The following MYT1L variants were observed in gnomAD, a reference collection of about 807,000 sequenced individuals.
The protein encoded by MYT1L is myelin transcription factor 1 like.
MYT1L carries 12 observed loss-of-function variants against 126.7 expected under a neutral mutation model. That is an observed-to-expected ratio of 0.09 (90% CI 0.06 to 0.15). MYT1L has a LOEUF of 0.15. Ranked by LOEUF, MYT1L falls within the 10% of genes least tolerant of loss-of-function variation. The pLI is 1.00. For missense variants in MYT1L, 979 were observed against 1,585.2 expected (o/e 0.62, Z 6.49); for synonymous variants, 541 against 604.2 (o/e 0.90, Z 1.53).
chr2:2,115,556 T>C (rs1472948462), intron 3 of MYT1L, among the ~76,000 whole-genome samples: 7 of 152,250 alleles, frequency 4.6e-5, no homozygotes, highest in Non-Finnish European at 5.9e-5. Flanking sequence ...TTGCCAAATG[T>C]GTAAACTTAA....
intron 13 of MYT1L, 33 bp from the exon 14 acceptor site, chr2:1,903,327 G>A: frequency 6.4e-7 from 1 of 1,558,686 alleles, no homozygotes; most frequent in Non-Finnish European, 8.8e-7. Context: ...ACAACAGCTT[G>A]CTTTCCTGTG....
chr2:2,234,647 C>A (rs2094240495), intron 2 of MYT1L, among the ~76,000 whole-genome samples: 1 of 152,146 alleles, frequency 6.6e-6, no homozygotes, highest in South Asian at 2.1e-4. Flanking sequence ...AACTGTAGTC[C>A]TTCCCCATGG....
intron 4 of MYT1L, among the ~76,000 whole-genome samples, chr2:2,001,219 A>G (rs1233236954): frequency 1.7e-5 from 2 of 114,490 alleles, no homozygotes; most frequent in African/African-American, 7.0e-5. Flanking sequence ...GTCTAAATTT[A>G]TCTTCCATTG....
intron 4 of MYT1L, among the ~76,000 whole-genome samples, chr2:2,002,783 C>T (rs746741187): frequency 2.2e-4 from 33 of 152,072 alleles, no homozygotes; most frequent in East Asian, 3.9e-4. Flanking sequence ...ATCACGGGGG[C>T]GGGGCAGTTT....
Position 1,903,201 on chromosome 2 carries a change from C to T in MYT1L, c.1911G>A (p.Glu637=). The T allele has an allele frequency of 6.2e-7, 1 of 1,613,978 alleles. No individual in the cohort carries two copies. Among genetic ancestry groups the T allele is most frequent in the Non-Finnish European group, 8.5e-7 (1 of 1,179,886 alleles). The change falls in exon 14 of 25, where the codon GAG becomes GAA. Residue 637 remains glutamate (E), a synonymous_variant. Transcript: ENST00000647738. The part of the protein sequence containing the change: ...TTTPRSNLAK[E]LEKYSKTSFE... Reference sequence around the variant, plus strand: ...ACGAGGTCTTGGAATATTTCTCGAGCTCCTTGGCCAGGTTGGAACGCGGCG... The same window carrying T: ...ACGAGGTCTTGGAATATTTCTCGAGTTCCTTGGCCAGGTTGGAACGCGGCG...
At chr2:2,211,190 T>C (rs1179604675) in intron 2 of MYT1L, among the ~76,000 whole-genome samples, 1 of 152,228 alleles carries the variant, frequency 6.6e-6, no homozygotes, top group Non-Finnish European at 1.5e-5. Context: ...CTTATGCATG[T>C]TTGATTAGAA....
chr2:2,196,795 AG>A (rs1447546476), intron 2 of MYT1L, among the ~76,000 whole-genome samples: 2 of 152,024 alleles, frequency 1.3e-5, no homozygotes, highest in Non-Finnish European at 2.9e-5. Context: ...AAGATTAAGA[AG>A]AAAGTCATAA....
At position 1,889,496 on chromosome 2, in the gene MYT1L, A is replaced by T. The variant is rs1202227060; in HGVS notation, c.2284-19T>A. On this transcript the variant is annotated intron_variant, in intron 15 of 24. Transcript: ENST00000647738. The surrounding 1 kb of genome is among the most constrained non-coding windows in gnomAD (Gnocchi z 4.1). ...CAGGGTTCTGTCGGTAGAAAGACATAGTGACTGTGCTTGGCCCGGCATCTT... is the reference window on the plus strand; with the variant it reads ...CAGGGTTCTGTCGGTAGAAAGACATTGTGACTGTGCTTGGCCCGGCATCTT... 6.4e-7 allele frequency: 1 copy of T among 1,567,416 alleles called. No homozygotes were observed. Among genetic ancestry groups the T allele is most frequent in the South Asian group, 1.2e-5 (1 of 84,592 alleles).
intron 3 of MYT1L, among the ~76,000 whole-genome samples, chr2:2,058,129 A>C (rs1193484360): frequency 6.6e-6 from 1 of 152,176 alleles, no homozygotes; most frequent in Non-Finnish European, 1.5e-5. Context: ...TATGTCACTC[A>C]TTCTAGGTAT....
intron 21 of MYT1L, among the ~76,000 whole-genome samples, chr2:1,819,230 A>G (rs1212070903): frequency 3.3e-5 from 5 of 152,192 alleles, no homozygotes; most frequent in African/African-American, 1.2e-4. Flanking sequence ...AGACGTTTTG[A>G]AGAGCCACTT....
chr2:2,096,340 C>T (rs1177021314), intron 3 of MYT1L, among the ~76,000 whole-genome samples: 4 of 152,190 alleles, frequency 2.6e-5, no homozygotes, highest in African/African-American at 9.6e-5. Context: ...TTGGAGGGCA[C>T]AGGAGCCCCC....
At chr2:1,996,362 G>A (rs2061841053) in intron 5 of MYT1L, among the ~76,000 whole-genome samples, 2 of 150,754 alleles carry the variant, frequency 1.3e-5, no homozygotes, top group East Asian at 2.0e-4. Context: ...GAGTGTAGAC[G>A]GGCCACCTTT....
At chr2:2,311,861 A>G (rs1056608411) in intron 1 of MYT1L, among the ~76,000 whole-genome samples, 1 of 152,206 alleles carries the variant, frequency 6.6e-6, no homozygotes, top group Non-Finnish European at 1.5e-5. Flanking sequence ...ACTGGCTTCA[A>G]TGTATTAACA....
chr2:2,146,054 T>C (rs1482869901), intron 3 of MYT1L, among the ~76,000 whole-genome samples: 1 of 152,208 alleles, frequency 6.6e-6, no homozygotes, highest in South Asian at 2.1e-4. Context: ...TACCATTGTC[T>C]AAGGACTGTG....
Position 1,889,431 on chromosome 2 carries a change from A to C in MYT1L, c.2330T>G (p.Met777Arg). 6.2e-7 allele frequency: 1 copy of C among 1,613,110 alleles called. No homozygotes were observed. The highest frequency in any genetic ancestry group is 8.5e-7 in the Non-Finnish European group (1 of 1,179,314). ...GCTGTCCCGCGGCCTCTGCTTGTTC[A>C]TGCTGAGGTCCAGGGTCCCGTTCTC... is the stretch of plus-strand genomic sequence containing the variant. ...VDENGTLDLS[M>R]NKQRPRDSCC... The change falls in exon 16 of 25, where the codon ATG becomes AGG. Residue 777 changes from methionine (M) to arginine (R), a missense_variant. Physicochemically the swap from Met to Arg is moderately conservative, Grantham distance 91 (BLOSUM62 -1). Around this residue, in one of 12 missense-constraint regions of MYT1L, gnomAD observed 141 missense variants for 170.6 expected, o/e 0.83. Coordinates refer to ENST00000647738, the MANE Select transcript of MYT1L (RefSeq NM_001303052.2). The surrounding 1 kb of genome is among the most constrained non-coding windows in gnomAD (Gnocchi z 4.1).
chr2:1,942,574 T>C (rs1253844783), intron 9 of MYT1L, among the ~76,000 whole-genome samples: 2 of 152,226 alleles, frequency 1.3e-5, no homozygotes, highest in African/African-American at 4.8e-5. Flanking sequence ...CCTGAGGAGG[T>C]ACCTGGGCTA....
chr2:1,907,118 T>C (rs574884814), intron 13 of MYT1L, among the ~76,000 whole-genome samples: 1 of 146,104 alleles, frequency 6.8e-6, no homozygotes, highest in South Asian at 2.2e-4. Context: ...TCTCTAAAAA[T>C]TTTTTTTTTA....
intron 2 of MYT1L, among the ~76,000 whole-genome samples, chr2:2,183,762 G>A (rs11673984): frequency 0.11 from 15,761 of 147,592 alleles, 807 homozygotes; most frequent in African/African-American, 0.13. Context: ...AGGGAGGGAA[G>A]GAGGGAGAGG....
chr2:1,837,379 C>T (rs896510022), intron 21 of MYT1L, among the ~76,000 whole-genome samples: 1 of 152,172 alleles, frequency 6.6e-6, no homozygotes, highest in Non-Finnish European at 1.5e-5. Flanking sequence ...CAAACCCTTA[C>T]TCATAGGTCA....
Sources: gnomAD v4.1 joint callset for allele counts (sites outside exome capture counted in the v4.1 genomes callset) on GRCh38, gnomAD v4.1.1 for gene constraint, gnomAD v4.1.1 regional missense constraint, Gnocchi (gnomAD v3.1) non-coding constraint, MANE v1.5 for transcripts, NCBI Gene and HGNC (gene_info 2026-07-23, HGNC 2026-07-21) for gene names.